Variants in SORL1 observed in about 807,000 individuals in gnomAD.
SORL1 encodes sortilin related receptor 1.
SORL1 carries 127 observed loss-of-function variants against 273.7 expected under a neutral mutation model. The observed-to-expected ratio is 0.46, with a 90% CI of 0.40 to 0.54. The LOEUF (loss-of-function observed/expected upper bound fraction) is 0.54. Ranked by LOEUF, SORL1 falls within the 20% of genes least tolerant of loss-of-function variation. The pLI is 0.00. For missense variants in SORL1, 2,494 were observed against 2,846.1 expected (o/e 0.88, Z 2.81); for synonymous variants, 1,031 against 1,067.4 (o/e 0.97, Z 0.66).
At chr11:121,629,310 G>A in intron 47 of SORL1, 186 bp from the exon 48 acceptor site, 2 of 526,858 alleles carry the variant, frequency 3.8e-6, no homozygotes, top group Non-Finnish European at 6.8e-6. Context: ...TGGGTAGAAG[G>A]TGGCCAGGAG....
chr11:121,621,327 C>T (rs967400332), intron 44 of SORL1, 89 bp downstream of exon 44: 22 of 1,219,492 alleles, frequency 1.8e-5, no homozygotes, highest in African/African-American at 4.5e-5. Flanking sequence ...TTTCATTAGG[C>T]GTTTGTTTCA....
intron 16 of SORL1, among the ~76,000 whole-genome samples, chr11:121,551,463 A>G (rs1012569116): frequency 1.7e-4 from 26 of 152,240 alleles, no homozygotes; most frequent in African/African-American, 4.3e-4. Flanking sequence ...TCTTTACCAC[A>G]GAGACATGAA....
intron 2 of SORL1, among the ~76,000 whole-genome samples, chr11:121,473,315 G>C (rs1233458437): frequency 6.6e-6 from 1 of 152,210 alleles, no homozygotes; most frequent in African/African-American, 2.4e-5. Context: ...GGCTCTGGAA[G>C]CTGGAATCCA....
rs375079112 is a variant in SORL1, at chr11:121,459,515, C to T, written c.285+6899C>T. Among the ~76,000 whole-genome samples the T allele has an allele frequency of 9.1e-4, 139 of 152,262 alleles. 3 individuals are homozygous for T. In the Middle Eastern group the frequency reaches 0.01, roughly 11 times the overall value. On this transcript the variant is annotated intron_variant, in intron 1 of 47. Transcript: ENST00000260197. ...GGGACCGTGGAGGGCCAAGTGGGTC[C>T]GGTGGTTGGCTCTAGGGCATGCCTC...
intron 1 of SORL1, among the ~76,000 whole-genome samples, chr11:121,453,224 C>T (rs984041310): frequency 2.6e-5 from 4 of 152,258 alleles, no homozygotes; most frequent in Admixed American, 2.0e-4. Context: ...TCTCCCACCC[C>T]CGTCAAGATA....
At chr11:121,537,780 T>C (rs919205981) in intron 12 of SORL1, among the ~76,000 whole-genome samples, 6 of 152,246 alleles carry the variant, frequency 3.9e-5, no homozygotes, top group Admixed American at 3.3e-4. Context: ...ATTAAAGTTC[T>C]CTGGTAAGGG....
chr11:121,569,192 C>T (rs1245495536), intron 22 of SORL1, among the ~76,000 whole-genome samples: 1 of 152,124 alleles, frequency 6.6e-6, no homozygotes, highest in East Asian at 1.9e-4. Context: ...TCTCTTAATC[C>T]CGTCATCTTC....
chr11:121,588,334 G>A (rs1018716236), intron 28 of SORL1, among the ~76,000 whole-genome samples, 183 bp downstream of exon 28: 3 of 152,170 alleles, frequency 2.0e-5, no homozygotes, highest in African/African-American at 7.2e-5. Context: ...ATCCAAGCTT[G>A]CCTTTTCTGA....
chr11:121,504,576 T>C (rs1861760280), intron 6 of SORL1, among the ~76,000 whole-genome samples: 2 of 152,200 alleles, frequency 1.3e-5, no homozygotes, highest in African/African-American at 4.8e-5. Context: ...TCTAACTTTT[T>C]TGGTGTGTGG....
intron 12 of SORL1, among the ~76,000 whole-genome samples, chr11:121,532,860 T>C (rs1862221708): frequency 6.6e-6 from 1 of 152,074 alleles, no homozygotes; most frequent in African/African-American, 2.4e-5. Context: ...ATTTTTGTAA[T>C]TTTAGTAGAG....
chr11:121,518,754 G>C (rs944994391), intron 8 of SORL1, among the ~76,000 whole-genome samples: 4 of 152,122 alleles, frequency 2.6e-5, no homozygotes, highest in Admixed American at 6.5e-5. Flanking sequence ...AGCTGCTTTG[G>C]TGGGGCTCCT....
At position 121,554,660 on chromosome 11, in the gene SORL1, A is replaced by G. The variant is rs778732870; in HGVS notation, c.2440-527A>G. Reference sequence around the variant, plus strand: ...TCCTTTTAGAAAAGCAATTCCAACAAATTTTTATCTAGATTCCAACCCAAC... The same window carrying G: ...TCCTTTTAGAAAAGCAATTCCAACAGATTTTTATCTAGATTCCAACCCAAC... On this transcript the variant is annotated intron_variant, in intron 17 of 47. Transcript: ENST00000260197. This position sits in a 1 kb window ranked among gnomAD's most constrained non-coding sequence, Gnocchi z 4.6. 2.4e-4 allele frequency among the ~76,000 whole-genome samples: 36 copies of G among 152,138 alleles called. No homozygotes were observed. Among genetic ancestry groups the G allele is most frequent in the Non-Finnish European group, 3.5e-4 (24 of 68,028 alleles).
At chr11:121,459,189 A>ACTTGAAGTG (rs1860952259) in intron 1 of SORL1, among the ~76,000 whole-genome samples, 2 of 152,228 alleles carry the variant, frequency 1.3e-5, no homozygotes, top group Non-Finnish European at 1.5e-5. Context: ...GTGACTGAAG[A>ACTTGAAGTG]CTTGAAGTGT....
chr11:121,532,011 C>T (rs375607252), intron 11 of SORL1, among the ~76,000 whole-genome samples: 25 of 152,276 alleles, frequency 1.6e-4, no homozygotes, highest in African/African-American at 5.1e-4. Context: ...GGCTTGCTTT[C>T]GTTTACTTTT....
chr11:121,515,982 A>G (rs1026221554), intron 8 of SORL1, among the ~76,000 whole-genome samples: 3 of 152,214 alleles, frequency 2.0e-5, no homozygotes, highest in African/African-American at 7.2e-5. Flanking sequence ...GAAGGTTTAG[A>G]CCAGGAGATG....
chr11:121,496,848 C>CT (rs112421669), intron 5 of SORL1, 21 bp from the exon 6 acceptor site: 174,996 of 1,089,844 alleles, frequency 0.16, 2 homozygotes, highest in Non-Finnish European at 0.18. Flanking sequence ...TGATAACAAC[C>CT]TTTTTTTTTT....
intron 26 of SORL1, among the ~76,000 whole-genome samples, chr11:121,585,620 C>T (rs899811489): frequency 3.9e-5 from 6 of 152,098 alleles, no homozygotes; most frequent in African/African-American, 1.4e-4. Context: ...CTCACCTGCC[C>T]AGTTCCCACT....
chr11:121,459,752 C>G (rs180752305), intron 1 of SORL1, among the ~76,000 whole-genome samples: 1 of 152,230 alleles, frequency 6.6e-6, no homozygotes, highest in Non-Finnish European at 1.5e-5. Context: ...TCTCCCTGCC[C>G]TGCCCTTTGC....
At chr11:121,547,992 A>G (rs1207727937) in intron 14 of SORL1, among the ~76,000 whole-genome samples, 1 of 152,164 alleles carries the variant, frequency 6.6e-6, no homozygotes, top group African/African-American at 2.4e-5. Flanking sequence ...CCTGATTTCC[A>G]TGGTAGATTC....
Sources: gnomAD v4.1 joint callset for allele counts (sites outside exome capture counted in the v4.1 genomes callset) on GRCh38, gnomAD v4.1.1 for gene constraint, Gnocchi (gnomAD v3.1) non-coding constraint, MANE v1.5 for transcripts, NCBI Gene and HGNC (gene_info 2026-07-23, HGNC 2026-07-21) for gene names.